Variants in GAS7 observed in about 807,000 individuals in gnomAD.
GAS7 encodes the protein growth arrest specific 7.
In GAS7, 28 loss-of-function variants were observed where a neutral mutation model predicts 71.1. The observed-to-expected ratio is 0.39, with a 90% CI of 0.29 to 0.54. The LOEUF (loss-of-function observed/expected upper bound fraction) is 0.54, where lower values mean the gene tolerates loss of function less well. GAS7 is among the 20% of genes least tolerant of loss of function. The pLI is 0.62. For synonymous variants in GAS7, 258 were observed against 245.8 expected, an observed-to-expected ratio of 1.05 and a Z score of -0.46; for missense variants, 436 against 627.8, an observed-to-expected ratio of 0.69 and a Z score of 3.27.
intron 2 of GAS7, among the ~76,000 whole-genome samples, chr17:9,997,051 C>T (rs983697500): frequency 2.6e-5 from 4 of 151,976 alleles, no homozygotes; most frequent in Non-Finnish European, 5.9e-5. Flanking sequence ...GGGAAAAAGA[C>T]CAGAAACAGA....
chr17:9,957,169 G>T (rs895976058), intron 5 of GAS7, among the ~76,000 whole-genome samples: 1 of 152,228 alleles, frequency 6.6e-6, no homozygotes, highest in Non-Finnish European at 1.5e-5. Context: ...AACCTCTGGG[G>T]AACACTGGCT....
intron 1 of GAS7, among the ~76,000 whole-genome samples, chr17:10,091,380 A>C (rs1041176709): frequency 2.0e-5 from 3 of 151,852 alleles, no homozygotes; most frequent in Admixed American, 6.6e-5. Flanking sequence ...TAGAGTGGTG[A>C]CTTTTTTGGG....
chr17:9,940,710 A>C lies in GAS7; in HGVS notation c.732-510T>G, dbSNP rs531431547. ...CTGATTGTCAAGCCTGCTGGGTACA[A>C]GTACTTCCACGGAAACCTAGCAGTG... On this transcript the variant is annotated intron_variant, in intron 7 of 13. Coordinates refer to ENST00000432992, the MANE Select transcript of GAS7 (RefSeq NM_201433.2). 8.5e-5 allele frequency among the ~76,000 whole-genome samples: 13 copies of C among 152,328 alleles called. No individual in the cohort carries two copies. The South Asian group carries it at 2.1e-3, about 24-fold the overall frequency.
chr17:9,918,708 C>T (rs538509824), intron 12 of GAS7, among the ~76,000 whole-genome samples: 19 of 152,302 alleles, frequency 1.2e-4, no homozygotes, highest in Admixed American at 3.3e-4. Context: ...CTGGGCTGCA[C>T]GTGGCACAGC....
rs1597744671 is a variant in GAS7, at chr17:10,045,936, A to G, written c.184-26039T>C. Among the ~76,000 whole-genome samples the G allele has an allele frequency of 2.6e-5, 4 of 152,314 alleles. No individual in the cohort carries two copies. The South Asian group carries it at 6.2e-4, about 24-fold the overall frequency. On this transcript the variant is annotated intron_variant, in intron 1 of 13. Transcript: ENST00000432992. ...AAATGTAGTCTGGCCCTAAGCAATA[A>G]TATCTATGAAATCACAGATTTGATT...
intron 2 of GAS7, among the ~76,000 whole-genome samples, chr17:9,984,288 C>A (rs1422907223): frequency 2.0e-4 from 31 of 152,098 alleles, no homozygotes; most frequent in Admixed American, 2.0e-3. Context: ...GTCTCGTAGG[C>A]CCCAATACTC....
intron 1 of GAS7, among the ~76,000 whole-genome samples, chr17:10,167,124 C>T (rs1301056747): frequency 8.1e-6 from 1 of 123,372 alleles, no homozygotes; most frequent in African/African-American, 3.2e-5. Flanking sequence ...ATGGTGTGAT[C>T]TCGGCTCACC....
intron 2 of GAS7, among the ~76,000 whole-genome samples, chr17:9,991,383 G>A (rs909059031): frequency 4.6e-5 from 7 of 152,204 alleles, no homozygotes; most frequent in African/African-American, 1.7e-4. Context: ...TCTTAGGGCA[G>A]CCCTACAATC....
At chr17:10,042,196 G>A (rs1319574430) in intron 1 of GAS7, among the ~76,000 whole-genome samples, 2 of 151,218 alleles carry the variant, frequency 1.3e-5, no homozygotes, top group African/African-American at 2.4e-5. Context: ...TTGGGAAGCT[G>A]AGGCAGTAGA....
At chr17:10,105,738 C>T (rs141026581) in intron 1 of GAS7, among the ~76,000 whole-genome samples, 25 of 152,318 alleles carry the variant, frequency 1.6e-4, no homozygotes, top group Middle Eastern at 6.8e-3. Flanking sequence ...CTGCAGAGCA[C>T]GTATCACTAG....
chr17:10,089,118 G>A (rs1161917046), intron 1 of GAS7, among the ~76,000 whole-genome samples: 1 of 151,934 alleles, frequency 6.6e-6, no homozygotes, highest in Admixed American at 6.6e-5. Context: ...CAGAGATCGT[G>A]TCATTGCACT....
At chr17:10,059,603 G>A in intron 1 of GAS7, 2 of 660,230 alleles carry the variant, frequency 3.0e-6, no homozygotes, top group South Asian at 6.7e-5. Context: ...CCTCCTGCAG[G>A]AGTGGCGGCT....
intron 1 of GAS7, among the ~76,000 whole-genome samples, chr17:10,048,833 CA>C (rs1291390407): frequency 6.6e-6 from 1 of 152,172 alleles, no homozygotes; most frequent in Non-Finnish European, 1.5e-5. Context: ...AAATACAATG[CA>C]TATGTAAGTC....
At chr17:10,161,605 T>C (rs1481673704) in intron 1 of GAS7, among the ~76,000 whole-genome samples, 1 of 152,210 alleles carries the variant, frequency 6.6e-6, no homozygotes, top group Non-Finnish European at 1.5e-5. Context: ...TTCCCACACA[T>C]TTCAGCTGAC....
intron 1 of GAS7, among the ~76,000 whole-genome samples, chr17:10,033,689 C>T (rs2072678284): frequency 6.6e-6 from 1 of 152,212 alleles, no homozygotes; most frequent in Non-Finnish European, 1.5e-5. Flanking sequence ...CAGACTGAAG[C>T]TCATTATGGT....
At chr17:10,037,548 G>T (rs1256381122) in intron 1 of GAS7, among the ~76,000 whole-genome samples, 2 of 152,168 alleles carry the variant, frequency 1.3e-5, no homozygotes, top group African/African-American at 4.8e-5. Flanking sequence ...TTCAATGCCA[G>T]CTCCTTGGGT....
chr17:9,967,930 G>A (rs141541804), intron 4 of GAS7, among the ~76,000 whole-genome samples: 1 of 152,324 alleles, frequency 6.6e-6, no homozygotes, highest in East Asian at 1.9e-4. Context: ...AGTTATACCA[G>A]TGTCCATTCT....
At chr17:9,920,865 C>T (rs892795283) in intron 11 of GAS7, among the ~76,000 whole-genome samples, 3 of 152,162 alleles carry the variant, frequency 2.0e-5, no homozygotes, top group Non-Finnish European at 2.9e-5. Flanking sequence ...TTTAGTAATT[C>T]GAGTAGAGTC....
chr17:9,923,830 G>A (rs1329529653), intron 11 of GAS7, among the ~76,000 whole-genome samples: 2 of 152,158 alleles, frequency 1.3e-5, no homozygotes, highest in Non-Finnish European at 2.9e-5. Flanking sequence ...CAATAACACA[G>A]CTTCACTGGC....
Sources: gnomAD v4.1 joint callset for allele counts (sites outside exome capture counted in the v4.1 genomes callset) on GRCh38, gnomAD v4.1.1 for gene constraint, MANE v1.5 for transcripts, NCBI Gene and HGNC (gene_info 2026-07-23, HGNC 2026-07-21) for gene names.